DTD1: variants seen among roughly 807,000 people sequenced by gnomAD.
The protein encoded by DTD1 is D-aminoacyl-tRNA deacylase 1.
Under a neutral mutation model 25.6 loss-of-function variants are expected in DTD1, and 13 were observed. That is an observed-to-expected ratio of 0.51 (90% CI 0.33 to 0.81). DTD1 has a LOEUF of 0.81. Ranked by LOEUF, DTD1 falls within the 30% of genes least tolerant of loss-of-function variation. DTD1 has a pLI of 0.02. For synonymous variants in DTD1, 110 were observed against 103.6 expected, an observed-to-expected ratio of 1.06 and a Z score of -0.37; for missense variants, 193 against 266.4, an observed-to-expected ratio of 0.72 and a Z score of 1.92.
intron 2 of DTD1, among the ~76,000 whole-genome samples, chr20:18,595,721 T>C (rs778009533): frequency 1.3e-5 from 2 of 152,212 alleles, no homozygotes; most frequent in Non-Finnish European, 2.9e-5. Context: ...GTTGTCATCT[T>C]AGCCCCAGTT....
chr20:18,677,534 T>C (rs763955864), intron 4 of DTD1, among the ~76,000 whole-genome samples: 1 of 152,200 alleles, frequency 6.6e-6, no homozygotes, highest in Non-Finnish European at 1.5e-5. Context: ...AACGCTTTGC[T>C]CTGATGTTGG....
intron 4 of DTD1, among the ~76,000 whole-genome samples, chr20:18,692,955 A>C (rs151163120): frequency 0.014 from 1,817 of 133,422 alleles, 26 homozygotes; most frequent in African/African-American, 0.019. Flanking sequence ...GTGCAGTGGC[A>C]CAATCTCAGC....
At chr20:18,745,969 T>A (rs550862129) in intron 5 of DTD1, among the ~76,000 whole-genome samples, 4 of 151,774 alleles carry the variant, frequency 2.6e-5, no homozygotes, top group African/African-American at 9.7e-5. Flanking sequence ...AGAGAAAAAA[T>A]TATAGTAGGA....
At chr20:18,678,234 G>C (rs554007188) in intron 4 of DTD1, among the ~76,000 whole-genome samples, 22 of 152,368 alleles carry the variant, frequency 1.4e-4, no homozygotes, top group African/African-American at 5.0e-4. Flanking sequence ...AGCACCTGGG[G>C]CCATGGGGCC....
At chr20:18,656,526 G>T (rs2060892319) in intron 4 of DTD1, among the ~76,000 whole-genome samples, 1 of 152,202 alleles carries the variant, frequency 6.6e-6, no homozygotes, top group Non-Finnish European at 1.5e-5. Flanking sequence ...CATCACCTCT[G>T]CTCATGTTCC....
intron 4 of DTD1, among the ~76,000 whole-genome samples, chr20:18,708,184 TTA>T (rs1159250058): frequency 3.2e-5 from 3 of 92,726 alleles, no homozygotes; most frequent in South Asian, 3.3e-4. Context: ...TATATATATT[TTA>T]TATATATATT....
intron 3 of DTD1, among the ~76,000 whole-genome samples, chr20:18,615,202 C>T (rs541980640): frequency 3.3e-4 from 51 of 152,378 alleles, no homozygotes; most frequent in Admixed American, 5.2e-4. Flanking sequence ...TACAGTCCCA[C>T]GCTGTAATGA....
intron 4 of DTD1, among the ~76,000 whole-genome samples, chr20:18,644,954 T>A (rs538913671): frequency 4.9e-4 from 75 of 152,256 alleles, no homozygotes; most frequent in African/African-American, 1.7e-3. Flanking sequence ...GAGACCTGCC[T>A]GTGCAACATA....
intron 4 of DTD1, among the ~76,000 whole-genome samples, chr20:18,661,939 G>A (rs1181482327): frequency 2.6e-5 from 4 of 152,132 alleles, no homozygotes; most frequent in Non-Finnish European, 5.9e-5. Context: ...ATTGCTTGAG[G>A]TCAAGAGTTT....
intron 4 of DTD1, chr20:18,698,499 A>G (rs552683026): frequency 6.6e-6 from 1 of 152,400 alleles, no homozygotes; most frequent in African/African-American, 2.4e-5. Context: ...CCCTGTGGAC[A>G]GTGGGAAACC....
At chr20:18,739,394 G>GA (rs1339527599) in intron 4 of DTD1, among the ~76,000 whole-genome samples, 3 of 152,188 alleles carry the variant, frequency 2.0e-5, no homozygotes, top group Admixed American at 2.0e-4. Context: ...AAGCTTCACT[G>GA]TGAAAGGTGC....
intron 4 of DTD1, among the ~76,000 whole-genome samples, chr20:18,737,251 A>G (rs1248360812): frequency 1.3e-5 from 2 of 148,960 alleles, no homozygotes; most frequent in South Asian, 2.2e-4. Context: ...GCCATGTGCC[A>G]TCTGCCACGG....
chr20:18,734,817 T>C (rs1833638965), intron 4 of DTD1, among the ~76,000 whole-genome samples: 1 of 152,202 alleles, frequency 6.6e-6, no homozygotes, highest in African/African-American at 2.4e-5. Context: ...GAAAGGACAG[T>C]GAGCATTGTG....
chr20:18,749,808 G>A lies in DTD1; in HGVS notation c.*19+5537G>A, dbSNP rs2061315111. Among the ~76,000 whole-genome samples, 1 of 152,218 alleles carries A rather than the reference G, an allele frequency of 6.6e-6. No individual in the cohort carries two copies. The highest frequency in any genetic ancestry group is 6.5e-5 in the Admixed American group (1 of 15,282). ...ACTGTTGACATTAAGGTGAAATGGA[G>A]CCTCTGTCTGGTCAGGAACGCCCCT... On this transcript the variant is annotated intron_variant, in intron 5 of 5. Coordinates refer to ENST00000377452, the MANE Select transcript of DTD1 (RefSeq NM_080820.6). This position sits in a 1 kb window ranked among gnomAD's most constrained non-coding sequence, Gnocchi z 4.2.
chr20:18,718,781 G>A (rs4814782), intron 4 of DTD1, among the ~76,000 whole-genome samples: 126,132 of 152,158 alleles, frequency 0.83, 53,396 homozygotes, highest in Non-Finnish European at 0.93. Context: ...CCAGCTATTA[G>A]TTAGCCCTCT....
At chr20:18,674,984 T>G (rs957624540) in intron 4 of DTD1, 1 of 152,282 alleles carries the variant, frequency 6.6e-6, no homozygotes, top group East Asian at 1.9e-4. Flanking sequence ...TTTACACAGT[T>G]TCTGTGGGTC....
intron 4 of DTD1, among the ~76,000 whole-genome samples, chr20:18,628,988 ATTTTTT>A (rs10594706): frequency 1.4e-5 from 1 of 71,536 alleles, no homozygotes; most frequent in Non-Finnish European, 2.6e-5. Flanking sequence ...TCAAAGCCTG[ATTTTTT>A]TTTTTTTTTT....
At chr20:18,740,253 A>ACGT (rs11471666) in intron 4 of DTD1, among the ~76,000 whole-genome samples, 119,430 of 151,716 alleles carry the variant, frequency 0.79, 49,020 homozygotes, top group Non-Finnish European at 0.92. Context: ...GCATGAGATT[A>ACGT]CTTAGCAAGG....
intron 4 of DTD1, among the ~76,000 whole-genome samples, chr20:18,695,932 C>T (rs2061074464): frequency 6.6e-6 from 1 of 152,088 alleles, no homozygotes; most frequent in African/African-American, 2.4e-5. Context: ...CCTGCCTCAG[C>T]CCCTCAAAGC....
Sources: gnomAD v4.1 joint callset for allele counts (sites outside exome capture counted in the v4.1 genomes callset) on GRCh38, gnomAD v4.1.1 for gene constraint, Gnocchi (gnomAD v3.1) non-coding constraint, MANE v1.5 for transcripts, NCBI Gene and HGNC (gene_info 2026-07-23, HGNC 2026-07-21) for gene names.